Variants in LRRC37A2 observed in about 807,000 individuals in gnomAD.
LRRC37A2 encodes leucine rich repeat containing 37 member A2, also known as leucine-rich repeat-containing protein 37A2.
In LRRC37A2, 9 loss-of-function variants were observed where a neutral mutation model predicts 68.8. The ratio of observed to expected loss-of-function variants is 0.13; its 90% CI spans 0.08 to 0.23. LRRC37A2 has a LOEUF of 0.23. Among genes scored for constraint, LRRC37A2 ranks in the 10% least tolerant of loss-of-function variants. The pLI, the probability that LRRC37A2 is intolerant of heterozygous loss-of-function variation, is 1.00. For synonymous variants in LRRC37A2, 63 were observed against 367.6 expected (o/e 0.17, Z 9.48); for missense variants, 168 against 950.4 (o/e 0.18, Z 10.82).
chr17:46,858,128 T>A, the LRRC37A2 span, among the ~76,000 whole-genome samples: 1 of 152,102 alleles, frequency 6.6e-6, no homozygotes, highest in Admixed American at 6.5e-5. Context: ...TAAGGTTTCA[T>A]CATGTTGGCC....
At chr17:46,877,618 T>C in the LRRC37A2 span, among the ~76,000 whole-genome samples, 12,901 of 152,158 alleles carry the variant, frequency 0.085, 1,399 homozygotes, top group African/African-American at 0.25. Context: ...AACAGCTTCC[T>C]GGTGCCTGGC....
the LRRC37A2 span, among the ~76,000 whole-genome samples, chr17:46,942,789 A>G: frequency 6.6e-6 from 1 of 152,206 alleles, no homozygotes; most frequent in Non-Finnish European, 1.5e-5. Flanking sequence ...TGAGAAAGGA[A>G]AGTGTCATTC....
the LRRC37A2 span, chr17:46,722,065 C>T: frequency 3.1e-6 from 5 of 1,610,432 alleles, no homozygotes; most frequent in East Asian, 2.2e-5. Flanking sequence ...CCTTGAGGTC[C>T]GAGTTCATCT....
the LRRC37A2 span, among the ~76,000 whole-genome samples, chr17:46,740,484 C>G: frequency 6.6e-6 from 1 of 152,070 alleles, no homozygotes; most frequent in African/African-American, 2.4e-5. Context: ...TAGGGTATAT[C>G]AAGCTAAAAG....
the LRRC37A2 span, among the ~76,000 whole-genome samples, chr17:46,801,551 C>T: frequency 2.0e-5 from 3 of 152,060 alleles, no homozygotes; most frequent in Non-Finnish European, 1.5e-5. Context: ...ACCTGGGAGG[C>T]GGAGGCTGCA....
chr17:46,993,006 A>T, the LRRC37A2 span, among the ~76,000 whole-genome samples: 1 of 123,150 alleles, frequency 8.1e-6, no homozygotes, highest in Non-Finnish European at 1.8e-5. Flanking sequence ...ACAGACTCAC[A>T]TGTATGAAAA....
chr17:46,676,207 G>A, the LRRC37A2 span, among the ~76,000 whole-genome samples: 1 of 146,448 alleles, frequency 6.8e-6, no homozygotes, highest in African/African-American at 2.7e-5. Flanking sequence ...ATGGAAGCTG[G>A]GAAATCTCCT....
the LRRC37A2 span, among the ~76,000 whole-genome samples, chr17:46,951,944 G>A: frequency 1.3e-5 from 2 of 152,090 alleles, no homozygotes; most frequent in South Asian, 2.1e-4. Context: ...CCCCCACCAG[G>A]AAGTCTTCCT....
the LRRC37A2 span, among the ~76,000 whole-genome samples, chr17:46,834,382 G>A: frequency 6.6e-6 from 1 of 151,784 alleles, no homozygotes; most frequent in South Asian, 2.1e-4. Context: ...GAGAGGGCAG[G>A]CTGCTGGGGA....
At chr17:46,975,720 T>G in the LRRC37A2 span, among the ~76,000 whole-genome samples, 1 of 152,170 alleles carries the variant, frequency 6.6e-6, no homozygotes, top group Non-Finnish European at 1.5e-5. Flanking sequence ...GTGTGCAGAC[T>G]TGTACACCAC....
the LRRC37A2 span, among the ~76,000 whole-genome samples, chr17:47,002,601 G>A: frequency 2.0e-5 from 3 of 152,032 alleles, no homozygotes; most frequent in African/African-American, 4.8e-5. Context: ...GATTGGTCAG[G>A]CTGGTCTCAA....
the LRRC37A2 span, chr17:47,024,846 C>A: frequency 1.6e-6 from 1 of 614,576 alleles, no homozygotes; most frequent in Non-Finnish European, 2.9e-6. Flanking sequence ...TTTCTTTGAG[C>A]AATAAAATTC....
chr17:46,609,827 C>CTTTTTTTTT, the LRRC37A2 span, among the ~76,000 whole-genome samples: 1 of 123,328 alleles, frequency 8.1e-6, no homozygotes. Flanking sequence ...CTCACTGTTT[C>CTTTTTTTTT]TTTTTTTTTT....
chr17:46,962,059 C>G, the LRRC37A2 span, among the ~76,000 whole-genome samples: 2 of 152,152 alleles, frequency 1.3e-5, no homozygotes, highest in Non-Finnish European at 2.9e-5. Flanking sequence ...GGGCCAGGCA[C>G]AGTGGCTCAT....
At chr17:47,034,408 C>T in the LRRC37A2 span, among the ~76,000 whole-genome samples, 1 of 151,894 alleles carries the variant, frequency 6.6e-6, no homozygotes, top group Non-Finnish European at 1.5e-5. Flanking sequence ...GGGACAAATG[C>T]AAAGATCCTA....
the LRRC37A2 span, among the ~76,000 whole-genome samples, chr17:47,030,042 G>C: frequency 6.7e-6 from 1 of 148,276 alleles, no homozygotes; most frequent in Non-Finnish European, 1.5e-5. Flanking sequence ...CAGCTTGAGG[G>C]ACAGAGTGAG....
chr17:46,995,335 G>A, the LRRC37A2 span, among the ~76,000 whole-genome samples: 253 of 152,304 alleles, frequency 1.7e-3, 2 homozygotes, highest in African/African-American at 6.0e-3. Flanking sequence ...CCTCTGCCTT[G>A]TGTCATAATT....
chr17:46,494,611 C>G, the LRRC37A2 span, among the ~76,000 whole-genome samples: 1 of 151,376 alleles, frequency 6.6e-6, no homozygotes, highest in Non-Finnish European at 1.5e-5. Flanking sequence ...TTTGCTGATT[C>G]CTGGCCTGAC....
chr17:46,983,125 T>C, the LRRC37A2 span, among the ~76,000 whole-genome samples: 1 of 152,096 alleles, frequency 6.6e-6, no homozygotes, highest in African/African-American at 2.4e-5. Context: ...CTTCCTGGGC[T>C]GGTGCTGTAG....
Sources: allele counts gnomAD v4.1 joint callset (sites outside exome capture counted in the v4.1 genomes callset), GRCh38; gene constraint gnomAD v4.1.1; transcripts MANE v1.5; gene names NCBI Gene and HGNC (gene_info 2026-07-23, HGNC 2026-07-21).